The following DLC1 variants were observed in gnomAD, a reference collection of about 807,000 sequenced individuals.
DLC1 encodes rho GTPase-activating protein 7.
A neutral mutation model predicts 140.3 loss-of-function variants in DLC1; 54 were observed. The ratio of observed to expected loss-of-function variants is 0.38; its 90% CI spans 0.31 to 0.48. The LOEUF is 0.48. Among genes scored for constraint, DLC1 ranks in the 20% least tolerant of loss-of-function variants. The pLI is 0.96. For missense variants in DLC1, 2,536 were observed against 1,907.0 expected (o/e 1.33, Z -6.14); for synonymous variants, 986 against 728.1 (o/e 1.35, Z -5.70).
chr8:13,196,353 G>A (rs1827055517), intron 5 of DLC1, among the ~76,000 whole-genome samples: 1 of 151,986 alleles, frequency 6.6e-6, no homozygotes, highest in Admixed American at 6.6e-5. Flanking sequence ...CTATTCAAAG[G>A]GATTGCACAT....
chr8:13,100,363 T>C lies in DLC1; in HGVS notation c.1974A>G (p.Lys658=), dbSNP rs1818947383. ...SFSFSMKGHE[K]TAKSKTRSLL... ...GACTGCGCGTCTTGGACTTGGCAGT[T>C]TTTTCGTGGCCTTTCATGCTGAAGC... The change falls in exon 9 of 18, where the codon AAA becomes AAG. Residue 658 remains lysine (K), a synonymous_variant. Coordinates refer to ENST00000276297, the MANE Select transcript of DLC1 (RefSeq NM_182643.3). 6.2e-7 allele frequency: 1 copy of C among 1,614,144 alleles called. No individual in the cohort carries two copies. The highest frequency in any genetic ancestry group is 8.5e-7 in the Non-Finnish European group (1 of 1,180,036).
intron 1 of DLC1, among the ~76,000 whole-genome samples, chr8:13,506,584 T>TATATATATATATATATATATATATACAC (rs1802084989): frequency 3.5e-4 from 2 of 5,774 alleles, no homozygotes; most frequent in African/African-American, 4.3e-4. Context: ...TGTGTGTGTA[T>TATATATATATATATATATATATATACAC]ATATATATAT....
At chr8:13,583,929 G>C (rs889495325) in intron 1 of DLC1, 1 of 152,250 alleles carries the variant, frequency 6.6e-6, no homozygotes, top group Non-Finnish European at 1.5e-5. Flanking sequence ...TGACATCCTG[G>C]ACAGCTATCA....
intron 5 of DLC1, among the ~76,000 whole-genome samples, chr8:13,170,411 T>G (rs1825379191): frequency 1.3e-5 from 2 of 152,190 alleles, no homozygotes; most frequent in Admixed American, 1.3e-4. Flanking sequence ...TGGCATACAT[T>G]ACTTATCTCA....
chr8:13,260,470 T>C (rs928113734), intron 5 of DLC1, among the ~76,000 whole-genome samples: 1 of 152,106 alleles, frequency 6.6e-6, no homozygotes, highest in Non-Finnish European at 1.5e-5. Context: ...GATGAATGGA[T>C]AGGAAAGAAT....
intron 5 of DLC1, among the ~76,000 whole-genome samples, chr8:13,159,806 A>C (rs1298361218): frequency 1.3e-5 from 2 of 151,664 alleles, no homozygotes; most frequent in African/African-American, 4.8e-5. Flanking sequence ...GCAAGTGGCA[A>C]GAAGCAAGAA....
At chr8:13,544,414 T>G (rs982812555) in intron 1 of DLC1, among the ~76,000 whole-genome samples, 1 of 152,156 alleles carries the variant, frequency 6.6e-6, no homozygotes, top group Non-Finnish European at 1.5e-5. Context: ...TTGGATCAAT[T>G]TGGTTATGAG....
At chr8:13,428,520 C>T (rs1563338463) in intron 2 of DLC1, among the ~76,000 whole-genome samples, 1 of 152,154 alleles carries the variant, frequency 6.6e-6, no homozygotes, top group East Asian at 1.9e-4. Context: ...TTTAACCAAT[C>T]ATTTCTCGAA....
chr8:13,196,866 C>T (rs1827090922), intron 5 of DLC1, among the ~76,000 whole-genome samples: 2 of 152,174 alleles, frequency 1.3e-5, no homozygotes, highest in Non-Finnish European at 2.9e-5. Flanking sequence ...AATGGAGCTA[C>T]AGTGGGGTGT....
intron 5 of DLC1, among the ~76,000 whole-genome samples, chr8:13,203,638 C>T (rs1028004617): frequency 2.6e-5 from 4 of 152,130 alleles, no homozygotes; most frequent in African/African-American, 4.8e-5. Flanking sequence ...TTTTCTTCTA[C>T]GAATGTCCTC....
intron 2 of DLC1, chr8:13,498,783 G>A (rs561907965): frequency 8.9e-5 from 30 of 335,476 alleles, no homozygotes; most frequent in Non-Finnish European, 1.3e-4. Flanking sequence ...TAAAGAAAGG[G>A]ATACCAATCC....
At chr8:13,133,815 G>A (rs1822345742) in intron 5 of DLC1, among the ~76,000 whole-genome samples, 1 of 152,086 alleles carries the variant, frequency 6.6e-6, no homozygotes, top group Admixed American at 6.5e-5. Context: ...GAGGGGAAGC[G>A]GAGAGGAAGG....
At chr8:13,365,633 C>G (rs992230067) in intron 4 of DLC1, among the ~76,000 whole-genome samples, 1 of 152,118 alleles carries the variant, frequency 6.6e-6, no homozygotes, top group Admixed American at 6.5e-5. Context: ...CACCACTGAG[C>G]GAGCCGTGGT....
chr8:13,529,362 T>C (rs1301500213), intron 1 of DLC1, among the ~76,000 whole-genome samples: 1 of 152,150 alleles, frequency 6.6e-6, no homozygotes. Flanking sequence ...TAATTTGAGA[T>C]TGTTTTATTT....
At chr8:13,564,603 G>T (rs1465556441) in intron 1 of DLC1, among the ~76,000 whole-genome samples, 2 of 152,190 alleles carry the variant, frequency 1.3e-5, no homozygotes, top group Non-Finnish European at 2.9e-5. Flanking sequence ...TATCTGGGGG[G>T]AGAATTGCTT....
At chr8:13,320,156 G>A (rs372075905) in intron 4 of DLC1, among the ~76,000 whole-genome samples, 1 of 152,038 alleles carries the variant, frequency 6.6e-6, no homozygotes, top group African/African-American at 2.4e-5. Context: ...ACAAAAGGCT[G>A]GTTTGGGTTC....
intron 4 of DLC1, among the ~76,000 whole-genome samples, chr8:13,360,900 C>G (rs1159920486): frequency 6.7e-6 from 1 of 149,830 alleles, no homozygotes; most frequent in Admixed American, 6.7e-5. Flanking sequence ...TTCTTTTTCA[C>G]CTTAATATTA....
intron 5 of DLC1, among the ~76,000 whole-genome samples, chr8:13,130,584 A>G (rs1450775241): frequency 2.0e-5 from 3 of 152,212 alleles, no homozygotes; most frequent in Non-Finnish European, 4.4e-5. Context: ...AAATCCTTCA[A>G]TCTTTCCAGT....
At chr8:13,447,225 G>C (rs1189399301) in intron 2 of DLC1, among the ~76,000 whole-genome samples, 2 of 152,072 alleles carry the variant, frequency 1.3e-5, no homozygotes, top group African/African-American at 4.8e-5. Context: ...TGTTTACCTT[G>C]GCAGTCTACT....
Sources: gnomAD v4.1 joint callset for allele counts (sites outside exome capture counted in the v4.1 genomes callset) on GRCh38, gnomAD v4.1.1 for gene constraint, MANE v1.5 for transcripts, NCBI Gene and HGNC (gene_info 2026-07-23, HGNC 2026-07-21) for gene names.